Variants in TMEM120B observed in about 807,000 individuals in gnomAD.
TMEM120B encodes the protein transmembrane protein 120B.
A neutral mutation model predicts 55.5 loss-of-function variants in TMEM120B; 31 were observed. That is an observed-to-expected ratio of 0.56 (90% CI 0.42 to 0.75). The LOEUF (loss-of-function observed/expected upper bound fraction) is 0.75. TMEM120B is among the 30% of genes least tolerant of loss of function. TMEM120B has a pLI of 0.00. For missense variants in TMEM120B, 399 were observed against 425.5 expected (o/e 0.94, Z 0.55); for synonymous variants, 203 against 176.3 (o/e 1.15, Z -1.20).
intron 5 of TMEM120B, chr12:121,758,410 G>A (rs1592942025): frequency 3.1e-6 from 3 of 982,656 alleles, no homozygotes; most frequent in Admixed American, 6.2e-5. Context: ...GGTCACCATG[G>A]AGGAGGACGG....
At chr12:121,769,215 A>C (rs931661015) in intron 6 of TMEM120B, among the ~76,000 whole-genome samples, 8 of 151,678 alleles carry the variant, frequency 5.3e-5, no homozygotes, top group Non-Finnish European at 7.4e-5. Context: ...TTCTGGAAAC[A>C]GAGTTCCCAT....
intron 1 of TMEM120B, among the ~76,000 whole-genome samples, chr12:121,727,316 G>A (rs1894914155): frequency 6.6e-6 from 1 of 151,226 alleles, no homozygotes; most frequent in African/African-American, 2.4e-5. Context: ...CAAGAGGATT[G>A]CTTGAACCCA....
Position 121,726,595 on chromosome 12 carries a change from T to A in TMEM120B, c.69+13631T>A, listed in dbSNP as rs1313151558. Among the ~76,000 whole-genome samples the A allele has an allele frequency of 3.6e-3, 456 of 126,226 alleles. 3 individuals carry two copies. The highest frequency in any genetic ancestry group is 0.011 in the South Asian group (46 of 4,030). The allele number at this position is 126,226 out of a possible 152,430, so 82.8% of individuals were successfully genotyped here. ...CTCTGTCTCAAAAAAAAAAATAAAA[T>A]AAAATAATAATAATAATGCTTCAGG... On this transcript the variant is annotated intron_variant, in intron 1 of 11. Coordinates refer to ENST00000449592, the MANE Select transcript of TMEM120B (RefSeq NM_001080825.2).
At chr12:121,774,828 C>T (rs1874182859) in intron 10 of TMEM120B, 106 bp downstream of exon 10, 1 of 1,395,978 alleles carries the variant, frequency 7.2e-7, no homozygotes, top group East Asian at 2.5e-5. Flanking sequence ...ATGCTGGGGC[C>T]CACAGCATCC....
In TMEM120B at chr12:121,776,519, T is replaced by C. The variant is rs1874254261; in HGVS notation, c.*797T>C. On this transcript the variant is annotated 3_prime_UTR_variant, in exon 12 of 12. Coordinates refer to ENST00000449592, the MANE Select transcript of TMEM120B (RefSeq NM_001080825.2). Reference sequence around the variant, plus strand: ...CCTCCCCCCTCCTTCCCAGAGCTTCTGGATGTTGTGGGAGGGAGGTGGGGG... The same window carrying C: ...CCTCCCCCCTCCTTCCCAGAGCTTCCGGATGTTGTGGGAGGGAGGTGGGGG... 1 of 152,178 alleles carries C rather than the reference T, an allele frequency of 6.6e-6. No homozygotes were observed. Among genetic ancestry groups the C allele is most frequent in the South Asian group, 2.1e-4 (1 of 4,830 alleles). The allele number at this position is 152,178 out of a possible 1,614,324, so 9.4% of individuals were successfully genotyped here. A position where few individuals can be genotyped will look rare whatever the true frequency, so the allele number is the denominator to read the frequency against.
In TMEM120B at chr12:121,779,060, A is replaced by G; in HGVS notation, c.*3338A>G. 6.0e-6 allele frequency: 1 copy of G among 166,674 alleles called. No individual in the cohort carries two copies. 10.3% of individuals were successfully genotyped at this position (166,674 alleles called of 1,614,324 possible). A position where few individuals can be genotyped will look rare whatever the true frequency, so the allele number is the denominator to read the frequency against. ...CTGGGGGAAGGAAGGAAGGAGCTGG[A>G]GGATACAGTGGTGCCTATCTCGGGA... On this transcript the variant is annotated 3_prime_UTR_variant, in exon 12 of 12. Coordinates refer to ENST00000449592, the MANE Select transcript of TMEM120B (RefSeq NM_001080825.2).
At chr12:121,726,907 C>CAAAAAAAAAAAA (rs71305665) in intron 1 of TMEM120B, among the ~76,000 whole-genome samples, 1 of 73,718 alleles carries the variant, frequency 1.4e-5, no homozygotes, top group African/African-American at 4.5e-5. Flanking sequence ...GACTCTGTCT[C>CAAAAAAAAAAAA]AAAAAAAAAA....
intron 6 of TMEM120B, among the ~76,000 whole-genome samples, chr12:121,764,666 G>A (rs1293835194): frequency 6.6e-6 from 1 of 151,752 alleles, no homozygotes; most frequent in East Asian, 1.9e-4. Flanking sequence ...AAAAAAAAAA[G>A]TGCTCTGGGG....
chr12:121,724,673 C>T (rs889151968), intron 1 of TMEM120B, among the ~76,000 whole-genome samples: 1 of 150,798 alleles, frequency 6.6e-6, no homozygotes, highest in Admixed American at 6.6e-5. Flanking sequence ...TGCAGTCGCG[C>T]AATCTCGACT....
chr12:121,741,763 G>A (rs1322215136), intron 1 of TMEM120B, among the ~76,000 whole-genome samples: 1 of 152,084 alleles, frequency 6.6e-6, no homozygotes, highest in Non-Finnish European at 1.5e-5. Context: ...CTCCCGAGTA[G>A]CTGGGATTAC....
chr12:121,779,538 G>A lies in TMEM120B; in HGVS notation c.*3816G>A, dbSNP rs530140901. On this transcript the variant is annotated 3_prime_UTR_variant, in exon 12 of 12. Transcript: ENST00000449592. ...GAGCCGGCGCTTCTTCTGCCGTTGC[G>A]CCTTCTTCAGAGCGCTGAGAGCCAC... The A allele has an allele frequency of 6.0e-5, 96 of 1,613,058 alleles. 1 individual carries two copies. The South Asian group carries it at 8.6e-4, about 14-fold the overall frequency.
chr12:121,713,802 G>A (rs1056691588), intron 1 of TMEM120B, among the ~76,000 whole-genome samples: 1 of 152,136 alleles, frequency 6.6e-6, no homozygotes, highest in African/African-American at 2.4e-5. Flanking sequence ...AGAGGGACTC[G>A]GTGACTATTT....
At chr12:121,755,953 A>G (rs1426679638) in intron 5 of TMEM120B, among the ~76,000 whole-genome samples, 1 of 152,174 alleles carries the variant, frequency 6.6e-6, no homozygotes, top group African/African-American at 2.4e-5. Flanking sequence ...AGGAACACCC[A>G]GAGTGGCGGG....
At chr12:121,738,984 C>G (rs1872836475) in intron 1 of TMEM120B, among the ~76,000 whole-genome samples, 1 of 103,738 alleles carries the variant, frequency 9.6e-6, no homozygotes, top group Non-Finnish European at 2.1e-5. Flanking sequence ...GTCAGGAGTT[C>G]CAGACCAGCC....
chr12:121,736,725 A>C (rs1354606355), intron 1 of TMEM120B, among the ~76,000 whole-genome samples: 2 of 151,840 alleles, frequency 1.3e-5, no homozygotes, highest in East Asian at 2.0e-4. Flanking sequence ...TTGTAATTTT[A>C]GTAGAGATGA....
intron 9 of TMEM120B, 94 bp from the exon 10 acceptor site, chr12:121,774,564 A>G (rs1874172830): frequency 8.0e-7 from 1 of 1,250,448 alleles, no homozygotes; most frequent in Admixed American, 1.9e-5. Context: ...GGCTCATCTT[A>G]GGGTGACTGG....
intron 1 of TMEM120B, among the ~76,000 whole-genome samples, chr12:121,737,042 G>C (rs1895130152): frequency 6.6e-6 from 1 of 152,124 alleles, no homozygotes. Context: ...CAGGAACTTA[G>C]GTGGAAGCCA....
intron 10 of TMEM120B, 83 bp downstream of exon 10, chr12:121,774,805 T>C: frequency 2.0e-6 from 3 of 1,490,192 alleles, no homozygotes; most frequent in Non-Finnish European, 2.8e-6. Flanking sequence ...GCCCTCCTTC[T>C]CCATCCGTCC....
chr12:121,775,437 C>T lies in TMEM120B; in HGVS notation c.907-172C>T, dbSNP rs972257680. 22 of 984,666 alleles carry T rather than the reference C, an allele frequency of 2.2e-5. No homozygotes were observed. Among genetic ancestry groups the T allele is most frequent in the Non-Finnish European group, 2.5e-5 (21 of 829,750 alleles). The allele number at this position is 984,666 out of a possible 1,614,324, so 61.0% of individuals were successfully genotyped here. A position where few individuals can be genotyped will look rare whatever the true frequency, so the allele number is the denominator to read the frequency against. ...CCATCGAGCCCTTCCCAGGCCCTGC[C>T]CAAGCCTGAGGCCTCACCCTTCCCC... On this transcript the variant is annotated intron_variant, in intron 11 of 11. Transcript: ENST00000449592. This position sits in a 1 kb window ranked among gnomAD's most constrained non-coding sequence, Gnocchi z 4.3.
Sources: gnomAD v4.1 joint callset for allele counts (sites outside exome capture counted in the v4.1 genomes callset) on GRCh38, gnomAD v4.1.1 for gene constraint, Gnocchi (gnomAD v3.1) non-coding constraint, MANE v1.5 for transcripts, NCBI Gene and HGNC (gene_info 2026-07-23, HGNC 2026-07-21) for gene names.